SNX29: variants seen among roughly 807,000 people sequenced by gnomAD.
SNX29 encodes the protein sorting nexin-29.
In SNX29, 78 loss-of-function variants were observed where a neutral mutation model predicts 102.1. The observed-to-expected ratio is 0.76, with a 90% CI of 0.64 to 0.92. The LOEUF is 0.92. Ranked by LOEUF, SNX29 falls within the 40% of genes least tolerant of loss-of-function variation. The pLI, the probability that SNX29 is intolerant of heterozygous loss-of-function variation, is 0.00. For missense variants in SNX29, 1,280 were observed against 1,061.7 expected, an observed-to-expected ratio of 1.21 and a Z score of -2.86; for synonymous variants, 580 against 414.5, an observed-to-expected ratio of 1.40 and a Z score of -4.85.
chr16:12,503,870 C>T (rs1424549290), intron 19 of SNX29, among the ~76,000 whole-genome samples: 1 of 152,144 alleles, frequency 6.6e-6, no homozygotes, highest in African/African-American at 2.4e-5. Context: ...GCCATGTGTC[C>T]ATTCTTTTTT....
intron 16 of SNX29, among the ~76,000 whole-genome samples, chr16:12,387,623 G>A (rs1027205848): frequency 2.0e-5 from 3 of 152,178 alleles, no homozygotes; most frequent in East Asian, 3.8e-4. Context: ...ATAGGATGTC[G>A]CAGGCGTCGT....
intron 11 of SNX29, among the ~76,000 whole-genome samples, chr16:12,108,922 G>A (rs1400758949): frequency 1.3e-5 from 2 of 152,074 alleles, no homozygotes; most frequent in Admixed American, 6.6e-5. Flanking sequence ...CACGGCAGGA[G>A]TTCAAGAGCA....
At chr16:12,498,929 A>G (rs1387277033) in intron 19 of SNX29, among the ~76,000 whole-genome samples, 1 of 152,214 alleles carries the variant, frequency 6.6e-6, no homozygotes, top group African/African-American at 2.4e-5. Context: ...TTGATCTGCT[A>G]CTTGATAGCA....
chr16:12,435,525 T>C (rs1327596714), intron 18 of SNX29, among the ~76,000 whole-genome samples: 2 of 152,202 alleles, frequency 1.3e-5, no homozygotes, highest in Admixed American at 6.5e-5. Flanking sequence ...GCTACTTCCA[T>C]TTTTATGAAT....
intron 1 of SNX29, among the ~76,000 whole-genome samples, chr16:11,981,255 C>A (rs1206788076): frequency 6.6e-6 from 1 of 152,150 alleles, no homozygotes; most frequent in Non-Finnish European, 1.5e-5. Flanking sequence ...CAGGCATGAG[C>A]CACCGCACCT....
intron 19 of SNX29, among the ~76,000 whole-genome samples, chr16:12,522,275 C>G (rs2090130118): frequency 6.6e-6 from 1 of 152,164 alleles, no homozygotes; most frequent in Non-Finnish European, 1.5e-5. Context: ...ATTTGAAGTT[C>G]AAATTTCACT....
chr16:12,136,138 T>C (rs1002628809), intron 13 of SNX29, among the ~76,000 whole-genome samples: 1 of 152,264 alleles, frequency 6.6e-6, no homozygotes, highest in Non-Finnish European at 1.5e-5. Flanking sequence ...TCTGCTGCAC[T>C]CACATGAACA....
At chr16:12,194,258 C>T (rs2076715616) in intron 13 of SNX29, among the ~76,000 whole-genome samples, 1 of 152,092 alleles carries the variant, frequency 6.6e-6, no homozygotes, top group South Asian at 2.1e-4. Context: ...ATAAATGATT[C>T]TTTTTAAAAG....
chr16:12,283,107 G>A (rs543942139), intron 15 of SNX29, among the ~76,000 whole-genome samples: 5 of 152,158 alleles, frequency 3.3e-5, no homozygotes, highest in Non-Finnish European at 4.4e-5. Context: ...GGACACCATT[G>A]AGTAATAGAT....
intron 20 of SNX29, among the ~76,000 whole-genome samples, chr16:12,552,394 G>T (rs191190358): frequency 6.6e-6 from 1 of 152,230 alleles, no homozygotes; most frequent in African/African-American, 2.4e-5. Context: ...GGTACCTGGC[G>T]CAGAGCAGTG....
rs542811968 is a variant in SNX29 at position 12,507,735 on chromosome 16, T to C, written c.2179-16967T>C. Among the ~76,000 whole-genome samples, 38 of 152,286 alleles carry C rather than the reference T, an allele frequency of 2.5e-4. No homozygotes were observed. The South Asian group carries it at 7.9e-3, about 32-fold the overall frequency. ...AACTCCAGAACCTTTGTCTAGAGTA[T>C]ATAGTGCTCTGAAGTAGAACGTTAA... On this transcript the variant is annotated intron_variant, in intron 19 of 20. Transcript: ENST00000566228.
At chr16:12,337,567 C>T (rs543255450) in intron 15 of SNX29, among the ~76,000 whole-genome samples, 1 of 152,134 alleles carries the variant, frequency 6.6e-6, no homozygotes, top group Non-Finnish European at 1.5e-5. Context: ...GTCCTAAACT[C>T]CTGGGTTCAA....
At chr16:12,042,055 T>A (rs1346949930) in intron 4 of SNX29, among the ~76,000 whole-genome samples, 1 of 152,210 alleles carries the variant, frequency 6.6e-6, no homozygotes, top group Non-Finnish European at 1.5e-5. Context: ...TTTTTGAGGC[T>A]GAGTCTTGTT....
At chr16:12,119,729 G>A (rs1159460699) in intron 11 of SNX29, among the ~76,000 whole-genome samples, 1 of 152,226 alleles carries the variant, frequency 6.6e-6, no homozygotes, top group African/African-American at 2.4e-5. Flanking sequence ...GGGGGGACAG[G>A]CCTTCAAGCA....
intron 10 of SNX29, among the ~76,000 whole-genome samples, chr16:12,078,129 C>T (rs1028673994): frequency 6.6e-6 from 1 of 152,094 alleles, no homozygotes; most frequent in Non-Finnish European, 1.5e-5. Context: ...TAGGAACTGT[C>T]GGCAGTACCA....
chr16:12,559,542 C>T (rs1050220478), intron 20 of SNX29, among the ~76,000 whole-genome samples: 2 of 151,932 alleles, frequency 1.3e-5, no homozygotes, highest in African/African-American at 4.8e-5. Flanking sequence ...TCCCCACCCC[C>T]TACATCTGTG....
chr16:12,490,200 A>C (rs1567616834), intron 19 of SNX29, among the ~76,000 whole-genome samples: 1 of 152,226 alleles, frequency 6.6e-6, no homozygotes, highest in Non-Finnish European at 1.5e-5. Context: ...CTAGGCAAAC[A>C]GCAATAGACC....
rs1269409763 is a variant in SNX29 at position 12,340,809 on chromosome 16, G to T, written c.1783-15354G>T. 2.6e-5 allele frequency among the ~76,000 whole-genome samples: 4 copies of T among 152,152 alleles called. No individual in the cohort carries two copies. The East Asian group carries it at 7.7e-4, about 29-fold the overall frequency. ...TGAAGCATCTTTGTGGGTTCTTGAA[G>T]GTCTGAGATCCTCCAGTGGAGAGTG... On this transcript the variant is annotated intron_variant, in intron 15 of 20. Coordinates refer to ENST00000566228, the MANE Select transcript of SNX29 (RefSeq NM_032167.5).
chr16:12,193,603 C>T (rs1030406786), intron 13 of SNX29, among the ~76,000 whole-genome samples: 1 of 152,148 alleles, frequency 6.6e-6, no homozygotes, highest in African/African-American at 2.4e-5. Context: ...TTTTCTCCAA[C>T]ATTTTCTTCT....
Sources: gnomAD v4.1 joint callset for allele counts (sites outside exome capture counted in the v4.1 genomes callset) on GRCh38, gnomAD v4.1.1 for gene constraint, MANE v1.5 for transcripts, NCBI Gene and HGNC (gene_info 2026-07-23, HGNC 2026-07-21) for gene names.